TMEM161B: variants seen among roughly 807,000 people sequenced by gnomAD.
TMEM161B encodes transmembrane protein 161B.
TMEM161B carries 34 observed loss-of-function variants against 61.8 expected under a neutral mutation model. That is an observed-to-expected ratio of 0.55 (90% CI 0.42 to 0.73). The LOEUF (loss-of-function observed/expected upper bound fraction) is 0.73, where lower values mean the gene tolerates loss of function less well. TMEM161B is among the 30% of genes least tolerant of loss of function. The probability of loss-of-function intolerance (pLI) is 0.00; values close to 1 mark genes in which losing one functional copy is unlikely to be tolerated. For missense variants in TMEM161B, 456 were observed against 558.5 expected (o/e 0.82, Z 1.85); for synonymous variants, 167 against 192.8 (o/e 0.87, Z 1.11).
intron 1 of TMEM161B, among the ~76,000 whole-genome samples, chr5:88,266,518 A>C (rs548612222): frequency 1.7e-4 from 26 of 152,354 alleles, no homozygotes; most frequent in African/African-American, 6.3e-4. Context: ...AGGTGCTTTA[A>C]TACCCATCAA....
rs1244370801 is a variant in TMEM161B, at chr5:88,208,298, A to G, written c.447-1118T>C. Among the ~76,000 whole-genome samples, 5 of 151,856 alleles carry G rather than the reference A, an allele frequency of 3.3e-5. No individual in the cohort carries two copies. In the East Asian group the frequency reaches 9.7e-4, roughly 29 times the overall value. ...GGAGATCGAGACCATGCTGGCTAAC[A>G]TGATGAAACCCCGTCTCTACTAAAA... On this transcript the variant is annotated intron_variant, in intron 5 of 11. Coordinates refer to ENST00000296595, the MANE Select transcript of TMEM161B (RefSeq NM_153354.5).
At chr5:88,193,702 C>T (rs1179973576), downstream of TMEM161B, among the ~76,000 whole-genome samples, 1 of 152,078 alleles carries the variant, frequency 6.6e-6, no homozygotes, top group South Asian at 2.1e-4. Context: ...ATCTTTGAAA[C>T]TTAAAATAAT....
In TMEM161B at chr5:88,222,747, A is replaced by G. The variant is rs1749236813; in HGVS notation, c.290-2028T>C. ...ATTAAGACAGACTTTCATGATAATT[A>G]TTGGGACATCAATAATATATACATT... On this transcript the variant is annotated intron_variant, in intron 4 of 11. Transcript: ENST00000296595. 2.6e-5 allele frequency among the ~76,000 whole-genome samples: 4 copies of G among 152,202 alleles called. No homozygotes were observed. The South Asian group carries it at 8.3e-4, about 31-fold the overall frequency.
At chr5:88,244,410 T>C (rs1302051856) in intron 1 of TMEM161B, among the ~76,000 whole-genome samples, 1 of 151,832 alleles carries the variant, frequency 6.6e-6, no homozygotes, top group Non-Finnish European at 1.5e-5. Flanking sequence ...CCATTGCTTG[T>C]TTTTGTTGAT....
intron 9 of TMEM161B, chr5:88,201,133 T>C (rs1007717917): frequency 1.3e-5 from 2 of 152,020 alleles, no homozygotes; most frequent in Non-Finnish European, 2.9e-5. Flanking sequence ...GGTAAAACTA[T>C]AATTTTGCTT....
At chr5:88,238,297 A>G (rs979154501) in intron 2 of TMEM161B, among the ~76,000 whole-genome samples, 2 of 151,914 alleles carry the variant, frequency 1.3e-5, no homozygotes, top group African/African-American at 4.8e-5. Context: ...AAAGAGGTCA[A>G]TGAGAGACAG....
intron 1 of TMEM161B, among the ~76,000 whole-genome samples, chr5:88,246,495 A>G (rs1753637787): frequency 6.6e-6 from 1 of 151,944 alleles, no homozygotes; most frequent in African/African-American, 2.4e-5. Flanking sequence ...TGAACTTAAA[A>G]TCAATTTTTA....
intron 2 of TMEM161B, among the ~76,000 whole-genome samples, chr5:88,239,628 C>T (rs949470175): frequency 6.6e-6 from 1 of 151,952 alleles, no homozygotes; most frequent in African/African-American, 2.4e-5. Context: ...CTCTCTCACA[C>T]ATTCAGTATA....
chr5:88,205,772 CAT>C (rs1312253166), intron 8 of TMEM161B, 40 bp downstream of exon 8: 1 of 1,598,894 alleles, frequency 6.3e-7, no homozygotes, highest in African/African-American at 1.3e-5. Context: ...AGATGGAAAA[CAT>C]ATATTTATCT....
At chr5:88,251,039 G>A (rs1754279116) in intron 1 of TMEM161B, 1 of 152,176 alleles carries the variant, frequency 6.6e-6, no homozygotes, top group Non-Finnish European at 1.5e-5. Flanking sequence ...CGACTGATTT[G>A]AGTGAGACTG....
At chr5:88,220,795 T>C in intron 4 of TMEM161B, 76 bp from the exon 5 acceptor site, 2 of 1,443,858 alleles carry the variant, frequency 1.4e-6, no homozygotes, top group South Asian at 2.9e-5. Context: ...AAATAACTTA[T>C]GAGGATTTAT....
intron 1 of TMEM161B, among the ~76,000 whole-genome samples, chr5:88,249,851 G>A (rs755100358): frequency 1.8e-4 from 27 of 152,106 alleles, no homozygotes; most frequent in Non-Finnish European, 3.4e-4. Flanking sequence ...CAGAGACCAA[G>A]GGAGTATCCC....
intron 2 of TMEM161B, among the ~76,000 whole-genome samples, chr5:88,236,026 C>T (rs1751790537): frequency 6.6e-6 from 1 of 152,078 alleles, no homozygotes; most frequent in Non-Finnish European, 1.5e-5. Context: ...GTCATAGGTC[C>T]CACCTACTGT....
intron 1 of TMEM161B, among the ~76,000 whole-genome samples, chr5:88,261,942 C>T (rs1331042676): frequency 2.0e-5 from 3 of 152,044 alleles, no homozygotes; most frequent in Non-Finnish European, 4.4e-5. Context: ...GACTTCATTA[C>T]AATTAAAATC....
chr5:88,225,628 CA>C (rs1290756396), intron 4 of TMEM161B, 140 bp downstream of exon 4: 1 of 495,272 alleles, frequency 2.0e-6, no homozygotes, highest in African/African-American at 2.0e-5. Context: ...AAATTTAATT[CA>C]AATGAAGTCA....
At chr5:88,241,861 G>C (rs551177576) in intron 1 of TMEM161B, among the ~76,000 whole-genome samples, 4 of 151,646 alleles carry the variant, frequency 2.6e-5, no homozygotes, top group Non-Finnish European at 5.9e-5. Context: ...AATCAAATGG[G>C]AACCCTCTCA....
intron 2 of TMEM161B, among the ~76,000 whole-genome samples, chr5:88,231,825 G>A (rs1344720954): frequency 6.6e-6 from 1 of 152,070 alleles, no homozygotes; most frequent in African/African-American, 2.4e-5. Flanking sequence ...CGAGCCTCTG[G>A]TCATAACATT....
At chr5:88,264,503 A>T (rs1040243709) in intron 1 of TMEM161B, among the ~76,000 whole-genome samples, 1 of 152,260 alleles carries the variant, frequency 6.6e-6, no homozygotes, top group African/African-American at 2.4e-5. Flanking sequence ...AATTAGTTCA[A>T]CCATTGTGGA....
intron 1 of TMEM161B, among the ~76,000 whole-genome samples, chr5:88,244,720 C>T (rs544941811): frequency 7.9e-5 from 12 of 151,520 alleles, no homozygotes; most frequent in Non-Finnish European, 1.5e-4. Context: ...TGAATCTGCA[C>T]ATTGCTTTGG....
Sources: gnomAD v4.1 joint callset for allele counts (sites outside exome capture counted in the v4.1 genomes callset) on GRCh38, gnomAD v4.1.1 for gene constraint, MANE v1.5 for transcripts, NCBI Gene and HGNC (gene_info 2026-07-23, HGNC 2026-07-21) for gene names.